MED29: variants seen among roughly 807,000 people sequenced by gnomAD.
MED29 encodes mediator of RNA polymerase II transcription subunit 29.
A neutral mutation model predicts 22.0 loss-of-function variants in MED29; 14 were observed. That is an observed-to-expected ratio of 0.64 (90% CI 0.42 to 0.99). MED29 has a LOEUF of 0.99. MED29 is among the 50% of genes least tolerant of loss of function. The probability of loss-of-function intolerance (pLI) is 0.00; values close to 1 mark genes in which losing one functional copy is unlikely to be tolerated. For synonymous variants in MED29, 123 were observed against 107.8 expected, an observed-to-expected ratio of 1.14 and a Z score of -0.87; for missense variants, 241 against 253.7, an observed-to-expected ratio of 0.95 and a Z score of 0.34.
In MED29 at chr19:39,398,322, C is replaced by A; in HGVS notation, c.*623C>A. On this transcript the variant is annotated 3_prime_UTR_variant, in exon 4 of 4. Transcript: ENST00000315588. ...AAGCCCAGAGTCCCCCAGCGGCTCG[C>A]ATGTCAGCCCAGACCCCAGGGTCCT... The A allele has an allele frequency of 6.5e-6, 1 of 154,752 alleles. No individual in the cohort carries two copies. Among genetic ancestry groups the A allele is most frequent in the Non-Finnish European group, 1.4e-5 (1 of 69,344 alleles). 9.6% of individuals were successfully genotyped at this position (154,752 alleles called of 1,614,324 possible). A position where few individuals can be genotyped will look rare whatever the true frequency, so the allele number is the denominator to read the frequency against.
intron 3 of MED29, 95 bp downstream of exon 3, chr19:39,393,732 G>C (rs530860178): frequency 2.0e-5 from 21 of 1,047,580 alleles, no homozygotes; most frequent in Non-Finnish European, 3.0e-5. Context: ...CTCAACTGGG[G>C]ACCTCCTGTG....
intron 2 of MED29, among the ~76,000 whole-genome samples, chr19:39,393,110 T>G: frequency 9.0e-6 from 1 of 111,214 alleles, no homozygotes. Context: ...TTTTTTTTTT[T>G]TTTGAGACAG....
intron 3 of MED29, 103 bp from the exon 4 acceptor site, chr19:39,397,353 TG>T: frequency 7.7e-7 from 1 of 1,298,526 alleles, no homozygotes; most frequent in Non-Finnish European, 1.1e-6. Flanking sequence ...CTCTAAGACC[TG>T]GGAAATCCAG....
chr19:39,392,624 CTTTTTTTTTT>C, intron 2 of MED29, 102 bp downstream of exon 2: 1 of 519,952 alleles, frequency 1.9e-6, no homozygotes. Flanking sequence ...TCTATATTTA[CTTTTTTTTTT>C]TTTTTTTTTT....
Position 39,399,721 on chromosome 19 carries a change from A to T in MED29, c.*2022A>T, listed in dbSNP as rs1291801031. On this transcript the variant is annotated 3_prime_UTR_variant, in exon 4 of 4. Coordinates refer to ENST00000315588, the MANE Select transcript of MED29 (RefSeq NM_017592.4). Reference sequence around the variant, plus strand: ...CAACAGAGCCCACCAGCAGTGGTGGAGATGTCGGTCCATGAGCGCACACAC... The same window carrying T: ...CAACAGAGCCCACCAGCAGTGGTGGTGATGTCGGTCCATGAGCGCACACAC... The T allele has an allele frequency of 1.3e-5, 2 of 152,258 alleles. No individual in the cohort carries two copies. Among genetic ancestry groups the T allele is most frequent in the Non-Finnish European group, 2.9e-5 (2 of 68,046 alleles). The allele number at this position is 152,258 out of a possible 1,614,324, so 9.4% of individuals were successfully genotyped here.
chr19:39,392,341 AG>A, intron 1 of MED29, 122 bp from the exon 2 acceptor site: 3 of 806,768 alleles, frequency 3.7e-6, no homozygotes, highest in Non-Finnish European at 6.2e-6. Flanking sequence ...GAAAGTCAGG[AG>A]GGAAGGTGCC....
In MED29 at chr19:39,397,479, C is replaced by T. The variant is rs2078434872; in HGVS notation, c.383C>T (p.Ser128Leu). Residue 128 changes from serine (S) to leucine (L), a missense_variant, in exon 4 of 4, where the codon TCA becomes TTA. Coordinates refer to ENST00000315588, the MANE Select transcript of MED29 (RefSeq NM_017592.4). ...LCLRLAHECL[S>L]QSCDSAKHSP... ...CAGCGCCTGGCGCATGAGTGCCTGT[C>T]ACAGAGTTGTGACAGTGCCAAGCAC... 6.2e-7 allele frequency: 1 copy of T among 1,607,890 alleles called. No individual in the cohort carries two copies. Among genetic ancestry groups the T allele is most frequent in the Non-Finnish European group, 8.5e-7 (1 of 1,179,942 alleles).
chr19:39,394,556 CTTTTTTTTTTTTTTT>C (rs775465635), intron 3 of MED29, among the ~76,000 whole-genome samples: 1 of 69,210 alleles, frequency 1.4e-5, no homozygotes, highest in African/African-American at 7.5e-5. Context: ...TGCACCCGGC[CTTTTTTTTTTTTTTT>C]TTTTTTTTTT....
In MED29 at chr19:39,398,078, GTC is replaced by G; in HGVS notation, c.*386_*387del. 1 of 442,146 alleles carries G rather than the reference GTC, an allele frequency of 2.3e-6. No homozygotes were observed. Among genetic ancestry groups the G allele is most frequent in the Non-Finnish European group, 4.0e-6 (1 of 247,054 alleles). 27.4% of individuals were successfully genotyped at this position (442,146 alleles called of 1,614,324 possible). ...TCCTCTGTGTCTCTATTACAGTTGT[GTC>G]TCTCTCATCCTGTCTCTTTTTCCCT... On this transcript the variant is annotated 3_prime_UTR_variant, in exon 4 of 4. Coordinates refer to ENST00000315588, the MANE Select transcript of MED29 (RefSeq NM_017592.4).
In MED29 at chr19:39,398,615, G is replaced by A. The variant is rs908282601; in HGVS notation, c.*916G>A. On this transcript the variant is annotated 3_prime_UTR_variant, in exon 4 of 4. Coordinates refer to ENST00000315588, the MANE Select transcript of MED29 (RefSeq NM_017592.4). ...CCCCAGCTCCGGGAAGCAGGCACTG[G>A]GGAGGGGGCTTCAAGGAGGGAGTGC... 1 of 152,610 alleles carries A rather than the reference G, an allele frequency of 6.6e-6. No homozygotes were observed. Among genetic ancestry groups the A allele is most frequent in the Admixed American group, 6.5e-5 (1 of 15,290 alleles). The allele number at this position is 152,610 out of a possible 1,614,324, so 9.5% of individuals were successfully genotyped here. A position where few individuals can be genotyped will look rare whatever the true frequency, so the allele number is the denominator to read the frequency against.
In MED29 at chr19:39,398,222, T is replaced by C. The variant is rs998264536; in HGVS notation, c.*523T>C. ...TCCCCAGCTCCTAACTGGGACTCTGTGTCTATGCAGGGGGCCAGCACCCCT... is the reference window on the plus strand; with the variant it reads ...TCCCCAGCTCCTAACTGGGACTCTGCGTCTATGCAGGGGGCCAGCACCCCT... On this transcript the variant is annotated 3_prime_UTR_variant, in exon 4 of 4. Transcript: ENST00000315588. The C allele has an allele frequency of 1.2e-5, 2 of 164,930 alleles. No homozygotes were observed. Among genetic ancestry groups the C allele is most frequent in the Non-Finnish European group, 2.6e-5 (2 of 76,426 alleles). The allele number at this position is 164,930 out of a possible 1,614,324, so 10.2% of individuals were successfully genotyped here. A position where few individuals can be genotyped will look rare whatever the true frequency, so the allele number is the denominator to read the frequency against.
rs534809630 is a variant in MED29, at chr19:39,400,383, AAAG to A, written c.*2688_*2690del. 6.8e-4 allele frequency: 103 copies of A among 152,282 alleles called. No individual in the cohort carries two copies. Among genetic ancestry groups the A allele is most frequent in the African/African-American group, 2.3e-3 (97 of 41,564 alleles). The allele number at this position is 152,282 out of a possible 1,614,324, so 9.4% of individuals were successfully genotyped here. A position where few individuals can be genotyped will look rare whatever the true frequency, so the allele number is the denominator to read the frequency against. On this transcript the variant is annotated 3_prime_UTR_variant, in exon 4 of 4. Transcript: ENST00000315588. ...TCATGGAGACCCTGTTTTTTTAAAAAAAGAAGTGGAGGTGTTTACACCAGCAAA... is the reference window on the plus strand; with the variant it reads ...TCATGGAGACCCTGTTTTTTTAAAAAAAGTGGAGGTGTTTACACCAGCAAA...
intron 1 of MED29, 46 bp from the exon 2 acceptor site, chr19:39,392,418 C>T: frequency 7.0e-7 from 1 of 1,433,874 alleles, no homozygotes; most frequent in Non-Finnish European, 9.4e-7. Flanking sequence ...GAGGTATTCC[C>T]TTTTGTTTTT....
At chr19:39,392,593 T>A in intron 2 of MED29, 71 bp downstream of exon 2, 1 of 1,295,584 alleles carries the variant, frequency 7.7e-7, no homozygotes, top group Non-Finnish European at 1.1e-6. Flanking sequence ...TTCCTTCTCC[T>A]GCTCCCCGCC....
In MED29 at chr19:39,394,860, C is replaced by CT. The variant is rs879383765; in HGVS notation, c.360+1236dup. ...TACAGGCGTGAGCTACCACACCCGGCTTTTTTTTTTTTTCCTCCAAGTCAG... is the reference window on the plus strand; with the variant it reads ...TACAGGCGTGAGCTACCACACCCGGCTTTTTTTTTTTTTTCCTCCAAGTCAG... On this transcript the variant is annotated intron_variant, in intron 3 of 3. Transcript: ENST00000315588. Among the ~76,000 whole-genome samples, 98 of 142,100 alleles carry CT rather than the reference C, an allele frequency of 6.9e-4. 1 individual carries two copies. The highest frequency in any genetic ancestry group is 2.0e-3 in the South Asian group (9 of 4,452). 93.2% of individuals were successfully genotyped at this position (142,100 alleles called of 152,430 possible).
intron 2 of MED29, 100 bp downstream of exon 2, chr19:39,392,622 T>C: frequency 1.2e-6 from 1 of 857,882 alleles, no homozygotes; most frequent in Non-Finnish European, 1.7e-6. Context: ...CTTCTATATT[T>C]ACTTTTTTTT....
At chr19:39,396,656 G>A (rs555887766) in intron 3 of MED29, among the ~76,000 whole-genome samples, 1 of 152,102 alleles carries the variant, frequency 6.6e-6, no homozygotes, top group East Asian at 1.9e-4. Context: ...AACCCAGGAG[G>A]CAGAGGTTGC....
rs1201799234 is a variant in MED29, at chr19:39,392,659, C to G, written c.275+137C>G. The G allele has an allele frequency of 4.3e-6, 3 of 699,338 alleles. No individual in the cohort carries two copies. The South Asian group carries it at 6.1e-5, about 14-fold the overall frequency. 43.3% of individuals were successfully genotyped at this position (699,338 alleles called of 1,614,324 possible). The stretch of plus-strand genomic sequence containing the variant: ...TTTTTTTTTTTGAGACAGGGTCTCC[C>G]TCTGTCACCCAGGCTGGACTACAGT... On this transcript the variant is annotated intron_variant, in intron 2 of 3. Transcript: ENST00000315588.
At chr19:39,393,264 T>A (rs2078409289) in intron 2 of MED29, among the ~76,000 whole-genome samples, 1 of 151,576 alleles carries the variant, frequency 6.6e-6, no homozygotes, top group South Asian at 2.1e-4. Context: ...TCTGGCTAAT[T>A]TTTGTATTTT....
Sources: gnomAD v4.1 joint callset for allele counts (sites outside exome capture counted in the v4.1 genomes callset) on GRCh38, gnomAD v4.1.1 for gene constraint, MANE v1.5 for transcripts, NCBI Gene and HGNC (gene_info 2026-07-23, HGNC 2026-07-21) for gene names.